The following ST3GAL3 variants were observed in gnomAD, a reference collection of about 807,000 sequenced individuals.
ST3GAL3 encodes ST3 beta-galactoside alpha-2,3-sialyltransferase 3.
Under a neutral mutation model 50.1 loss-of-function variants are expected in ST3GAL3, and 21 were observed. The ratio of observed to expected loss-of-function variants is 0.42; its 90% CI spans 0.30 to 0.60. The LOEUF (loss-of-function observed/expected upper bound fraction) is 0.60. Ranked by LOEUF, ST3GAL3 falls within the 20% of genes least tolerant of loss-of-function variation. The pLI is 0.19. For missense variants in ST3GAL3, 353 were observed against 489.4 expected (o/e 0.72, Z 2.63); for synonymous variants, 183 against 190.0 (o/e 0.96, Z 0.30).
At chr1:43,752,164 A>C (rs1306520661) in intron 2 of ST3GAL3, among the ~76,000 whole-genome samples, 1 of 152,184 alleles carries the variant, frequency 6.6e-6, no homozygotes, top group African/African-American at 2.4e-5. Context: ...ACAGTGTTCT[A>C]AAGCGCTTTG....
chr1:43,924,818 G>T (rs749877789), intron 11 of ST3GAL3, among the ~76,000 whole-genome samples: 2 of 152,352 alleles, frequency 1.3e-5, no homozygotes, highest in Non-Finnish European at 2.9e-5. Context: ...AAGACCTAGG[G>T]ATTGCCTTGG....
chr1:43,765,770 TGTGTGTGTGTGTGTGCGCGCGCGC>T, intron 2 of ST3GAL3, among the ~76,000 whole-genome samples: 1 of 127,890 alleles, frequency 7.8e-6, no homozygotes, highest in African/African-American at 3.2e-5. Flanking sequence ...TGTGTGTGTG[TGTGTGTGTGTGTGTGCGCGCGCGC>T]GCGCGCGTCC....
At chr1:43,850,809 ACAGCAACCC>A in intron 5 of ST3GAL3, 1 of 1,016,582 alleles carries the variant, frequency 9.8e-7, no homozygotes, top group East Asian at 2.4e-5. Context: ...CTTCAGGGCC[ACAGCAACCC>A]CAGCAATGGT....
At chr1:43,765,701 A>G (rs1025855159) in intron 2 of ST3GAL3, among the ~76,000 whole-genome samples, 55 of 151,650 alleles carry the variant, frequency 3.6e-4, no homozygotes, top group Non-Finnish European at 5.2e-4. Context: ...TTGCTCTGGA[A>G]AGGCAAAAAA....
chr1:43,833,464 G>T (rs923699338), intron 4 of ST3GAL3, among the ~76,000 whole-genome samples: 2 of 152,122 alleles, frequency 1.3e-5, no homozygotes, highest in Admixed American at 1.3e-4. Context: ...CATGTACTGA[G>T]CACCAGCGAG....
At chr1:43,820,777 A>G (rs2061992348) in intron 4 of ST3GAL3, among the ~76,000 whole-genome samples, 1 of 152,214 alleles carries the variant, frequency 6.6e-6, no homozygotes, top group South Asian at 2.1e-4. Context: ...GTTGTTGAAG[A>G]AGGCAGAACT....
intron 1 of ST3GAL3, among the ~76,000 whole-genome samples, chr1:43,719,349 A>G (rs770276436): frequency 1.3e-5 from 2 of 152,164 alleles, no homozygotes; most frequent in South Asian, 2.1e-4. Flanking sequence ...GCTGGAATCA[A>G]AACAGCAGAT....
intron 5 of ST3GAL3, among the ~76,000 whole-genome samples, chr1:43,886,517 AT>A (rs2076012896): frequency 6.6e-6 from 1 of 152,186 alleles, no homozygotes. Context: ...CCTATTAAAA[AT>A]TTTTTTAAAA....
At chr1:43,881,522 G>A (rs1357960011) in intron 5 of ST3GAL3, among the ~76,000 whole-genome samples, 3 of 152,246 alleles carry the variant, frequency 2.0e-5, no homozygotes, top group African/African-American at 7.2e-5. Flanking sequence ...TCAGCACACA[G>A]TTTCCTCCCC....
chr1:43,846,966 T>G lies in ST3GAL3; in HGVS notation c.302+8655T>G, dbSNP rs114024821. On this transcript the variant is annotated intron_variant, in intron 5 of 11. Transcript: ENST00000347631. ...TAATACTCAACAACAAGAAAAAAAC[T>G]GATTTAAAAGCGGGTAGAGAACTTG... 5.8e-3 allele frequency among the ~76,000 whole-genome samples: 885 copies of G among 152,170 alleles called. 12 individuals carry two copies. Among genetic ancestry groups the G allele is most frequent in the African/African-American group, 0.02 (831 of 41,508 alleles).
At chr1:43,711,220 T>C (rs185498100) in intron 1 of ST3GAL3, among the ~76,000 whole-genome samples, 17 of 152,336 alleles carry the variant, frequency 1.1e-4, no homozygotes, top group Non-Finnish European at 2.4e-4. Flanking sequence ...GTGTCCAGCA[T>C]GAGTGTACAG....
At chr1:43,777,886 T>A (rs751205396) in intron 2 of ST3GAL3, among the ~76,000 whole-genome samples, 7 of 152,174 alleles carry the variant, frequency 4.6e-5, no homozygotes, top group Non-Finnish European at 7.4e-5. Context: ...CTTAAAGATC[T>A]AGAAGCAGAA....
intron 2 of ST3GAL3, among the ~76,000 whole-genome samples, chr1:43,768,888 T>C (rs1403746327): frequency 6.6e-6 from 1 of 152,210 alleles, no homozygotes; most frequent in Non-Finnish European, 1.5e-5. Context: ...GGACACTCCT[T>C]ACTCATTTTT....
chr1:43,867,268 A>C (rs1005081867), intron 5 of ST3GAL3, among the ~76,000 whole-genome samples: 4 of 152,254 alleles, frequency 2.6e-5, no homozygotes, highest in African/African-American at 9.6e-5. Context: ...GTTACAATTC[A>C]AGATGAAACT....
chr1:43,847,972 G>A (rs983442231), intron 5 of ST3GAL3, among the ~76,000 whole-genome samples: 3 of 152,080 alleles, frequency 2.0e-5, no homozygotes, highest in African/African-American at 2.4e-5. Flanking sequence ...GGGCAGGTCC[G>A]ATGACTGCGA....
intron 5 of ST3GAL3, chr1:43,842,194 G>A (rs1015586766): frequency 6.6e-6 from 1 of 152,178 alleles, no homozygotes; most frequent in Non-Finnish European, 1.5e-5. Flanking sequence ...TCTCTAAGAA[G>A]TTCCAAACTT....
At chr1:43,822,361 C>T (rs2062214620) in intron 4 of ST3GAL3, among the ~76,000 whole-genome samples, 1 of 152,148 alleles carries the variant, frequency 6.6e-6, no homozygotes, top group African/African-American at 2.4e-5. Context: ...TGGGCAGGTG[C>T]TCTGTGCTCT....
chr1:43,813,889 ACACACG>A (rs1307151248), intron 3 of ST3GAL3, among the ~76,000 whole-genome samples: 1,053 of 32,472 alleles, frequency 0.032, 14 homozygotes, highest in African/African-American at 0.07. Flanking sequence ...ACACACACAC[ACACACG>A]CACACACGCA....
chr1:43,829,995 C>CTTTTTT (rs71579312), intron 4 of ST3GAL3, among the ~76,000 whole-genome samples: 16 of 70,130 alleles, frequency 2.3e-4, no homozygotes, highest in East Asian at 5.1e-4. Context: ...ATAAAAATTC[C>CTTTTTT]TTTTTTTTTT....
Sources: allele counts gnomAD v4.1 joint callset (sites outside exome capture counted in the v4.1 genomes callset), GRCh38; gene constraint gnomAD v4.1.1; transcripts MANE v1.5; gene names NCBI Gene and HGNC (gene_info 2026-07-23, HGNC 2026-07-21).